The following RFPL1 variants were observed in gnomAD, a reference collection of about 807,000 sequenced individuals.
RFPL1 encodes the protein ret finger protein like 1.
In RFPL1, 6 loss-of-function variants were observed where a neutral mutation model predicts 9.6. That is an observed-to-expected ratio of 0.62 (90% CI 0.34 to 1.23). The LOEUF (loss-of-function observed/expected upper bound fraction) is 1.23. Among genes scored for constraint, RFPL1 ranks in the 50% most tolerant of loss-of-function variants. The pLI is 0.03. For synonymous variants in RFPL1, 145 were observed against 149.4 expected (o/e 0.97, Z 0.22); for missense variants, 352 against 398.4 (o/e 0.88, Z 0.99).
At chr22:29,403,146 C>A in the RFPL1 span, among the ~76,000 whole-genome samples, 1 of 152,140 alleles carries the variant, frequency 6.6e-6, no homozygotes, top group South Asian at 2.1e-4. Context: ...AAGGTCCCCA[C>A]CTTCATAGAC....
At chr22:29,402,624 G>A in the RFPL1 span, among the ~76,000 whole-genome samples, 9 of 151,912 alleles carry the variant, frequency 5.9e-5, no homozygotes, top group East Asian at 1.7e-3. Flanking sequence ...ACTAACACTT[G>A]TAAGACAGGA....
the RFPL1 span, among the ~76,000 whole-genome samples, chr22:29,422,504 G>A: frequency 6.6e-6 from 1 of 152,212 alleles, no homozygotes; most frequent in South Asian, 2.1e-4. Context: ...TCGAACCCAG[G>A]AGGCAGAGGT....
At chr22:29,391,067 G>A in the RFPL1 span, among the ~76,000 whole-genome samples, 2 of 151,794 alleles carry the variant, frequency 1.3e-5, no homozygotes, top group African/African-American at 2.4e-5. Context: ...GCGTGAACCC[G>A]GGAGGTGGAG....
the RFPL1 span, among the ~76,000 whole-genome samples, chr22:29,411,133 T>C: frequency 6.6e-6 from 1 of 152,144 alleles, no homozygotes; most frequent in East Asian, 1.9e-4. Context: ...GCTGAGCTGG[T>C]GGAGGAAGAA....
the RFPL1 span, among the ~76,000 whole-genome samples, chr22:29,417,236 C>T: frequency 0.054 from 8,157 of 151,776 alleles, 470 homozygotes; most frequent in East Asian, 0.27. Flanking sequence ...AAAGATGTTT[C>T]TCCTCTGTGA....
the RFPL1 span, among the ~76,000 whole-genome samples, chr22:29,415,688 G>C: frequency 3.3e-5 from 5 of 152,280 alleles, no homozygotes; most frequent in Non-Finnish European, 7.3e-5. Flanking sequence ...GCAGACTTGC[G>C]TCTCAAGAAC....
the RFPL1 span, among the ~76,000 whole-genome samples, chr22:29,397,239 G>T: frequency 6.6e-6 from 1 of 152,174 alleles, no homozygotes; most frequent in African/African-American, 2.4e-5. Flanking sequence ...TTCCCACAAT[G>T]ACATAAGTTC....
chr22:29,408,230 T>G, the RFPL1 span, among the ~76,000 whole-genome samples: 2 of 152,226 alleles, frequency 1.3e-5, no homozygotes, highest in Admixed American at 1.3e-4. Flanking sequence ...GATGAGATGC[T>G]GTCGCTGAAC....
At position 29,438,714 on chromosome 22, in the gene RFPL1, G is replaced by T. The variant is rs564244652; in HGVS notation, c.-78G>T. The T allele has an allele frequency of 2.2e-5, 34 of 1,558,760 alleles. No homozygotes were observed. The South Asian group carries it at 4.1e-4, about 19-fold the overall frequency. On this transcript the variant is annotated 5_prime_UTR_variant, in exon 1 of 2. Transcript: ENST00000354373. ...AACTTCAAATCTCTGAAGACGGGGGGTGGGGGGATGTGCTTGAGTGTTTGT... is the reference window on the plus strand; with the variant it reads ...AACTTCAAATCTCTGAAGACGGGGGTTGGGGGGATGTGCTTGAGTGTTTGT...
At chr22:29,418,198 G>T in the RFPL1 span, among the ~76,000 whole-genome samples, 1 of 152,062 alleles carries the variant, frequency 6.6e-6, no homozygotes, top group Non-Finnish European at 1.5e-5. Flanking sequence ...AAAGTGCTAG[G>T]ATTACAGGTG....
At chr22:29,427,045 T>C in the RFPL1 span, among the ~76,000 whole-genome samples, 1,749 of 152,284 alleles carry the variant, frequency 0.011, 18 homozygotes, top group Non-Finnish European at 0.017. Context: ...TCCTTCCAAC[T>C]TGTAAGTTGT....
chr22:29,410,479 T>A, the RFPL1 span, among the ~76,000 whole-genome samples: 1 of 108,980 alleles, frequency 9.2e-6, no homozygotes, highest in African/African-American at 3.7e-5. Flanking sequence ...TATAGATATA[T>A]ATATTGTAGA....
At chr22:29,434,740 C>T (rs1458785366), upstream of RFPL1, 1 of 153,660 alleles carries the variant, frequency 6.5e-6, no homozygotes, top group African/African-American at 2.4e-5. Flanking sequence ...TCTTTGCAGC[C>T]AGCACTGTGC....
the RFPL1 span, among the ~76,000 whole-genome samples, chr22:29,393,578 C>T: frequency 6.6e-6 from 1 of 152,254 alleles, no homozygotes; most frequent in African/African-American, 2.4e-5. Flanking sequence ...ACTGCCACAC[C>T]TGGGGCACAT....
chr22:29,423,933 T>C, the RFPL1 span, among the ~76,000 whole-genome samples: 3 of 152,164 alleles, frequency 2.0e-5, no homozygotes, highest in Non-Finnish European at 2.9e-5. Flanking sequence ...GGCCAGGTGC[T>C]ATAGCTCATG....
chr22:29,399,994 CTT>C, the RFPL1 span, among the ~76,000 whole-genome samples: 10,890 of 116,348 alleles, frequency 0.094, 657 homozygotes, highest in African/African-American at 0.24. Flanking sequence ...CTTTTCTTTT[CTT>C]TTTTTTTTTT....
the RFPL1 span, among the ~76,000 whole-genome samples, chr22:29,432,140 C>A: frequency 1.3e-5 from 2 of 152,212 alleles, no homozygotes; most frequent in Non-Finnish European, 2.9e-5. Flanking sequence ...TTCCATTCGG[C>A]TCCTTCATTT....
At chr22:29,398,086 C>G in the RFPL1 span, among the ~76,000 whole-genome samples, 23 of 152,330 alleles carry the variant, frequency 1.5e-4, no homozygotes, top group South Asian at 2.1e-4. Flanking sequence ...CCGCTCTACC[C>G]TGGGCAGCTG....
At chr22:29,429,737 G>C in the RFPL1 span, among the ~76,000 whole-genome samples, 1 of 152,110 alleles carries the variant, frequency 6.6e-6, no homozygotes, top group Non-Finnish European at 1.5e-5. Flanking sequence ...AAAACCTAAA[G>C]ACCGCACCAA....
Sources: gnomAD v4.1 joint callset for allele counts (sites outside exome capture counted in the v4.1 genomes callset) on GRCh38, gnomAD v4.1.1 for gene constraint, MANE v1.5 for transcripts, NCBI Gene and HGNC (gene_info 2026-07-23, HGNC 2026-07-21) for gene names.